The following GGTA1 variants were observed in gnomAD, a reference collection of about 807,000 sequenced individuals.
The protein encoded by GGTA1 is inactive N-acetyllactosaminide alpha-1,3-galactosyltransferase.
GGTA1 carries 5 observed loss-of-function variants against 2.6 expected under a neutral mutation model. The observed-to-expected ratio is 1.92, with a 90% CI of 1.00 to 4.04. The LOEUF is 4.04. Among genes scored for constraint, GGTA1 ranks in the 30% most tolerant of loss-of-function variants. The pLI is 0.00. For missense variants in GGTA1, 50 were observed against 16.7 expected (o/e 2.99, Z -3.47); for synonymous variants, 17 against 5.0 (o/e 3.38, Z -3.19).
At chr9:121,466,062 C>T (rs1320431973) in intron 2 of GGTA1, among the ~76,000 whole-genome samples, 5 of 152,062 alleles carry the variant, frequency 3.3e-5, no homozygotes, top group Non-Finnish European at 5.9e-5. Flanking sequence ...ACTACAGGTG[C>T]GCACCACCAT....
chr9:121,460,367 C>T (rs745576271), intron 4 of GGTA1, 148 bp from the exon 5 acceptor site: 8 of 368,888 alleles, frequency 2.2e-5, no homozygotes, highest in South Asian at 1.2e-4. Flanking sequence ...AGGCACTAAG[C>T]GTTTATTCAT....
intron 1 of GGTA1, among the ~76,000 whole-genome samples, chr9:121,469,063 C>CA (rs879744113): frequency 1.1e-4 from 17 of 151,642 alleles, no homozygotes; most frequent in African/African-American, 1.9e-4. Context: ...CACAGGCAAG[C>CA]AAAAAAAATG....
chr9:121,447,640 C>G (rs2064858247), intron 7 of GGTA1: 1 of 152,238 alleles, frequency 6.6e-6, no homozygotes, highest in East Asian at 1.9e-4. Flanking sequence ...CTCTGGGATT[C>G]CTGAAAGAAA....
chr9:121,488,120 C>T (rs1181604737), intron 1 of GGTA1, among the ~76,000 whole-genome samples: 1 of 72,672 alleles, frequency 1.4e-5, no homozygotes, highest in African/African-American at 4.8e-5. Flanking sequence ...TGCGTGTGTG[C>T]GTGCATGTGT....
At chr9:121,453,081 C>G (rs567841918), downstream of GGTA1, among the ~76,000 whole-genome samples, 8 of 152,288 alleles carry the variant, frequency 5.3e-5, no homozygotes, top group South Asian at 1.7e-3. Flanking sequence ...TTTCCATTTG[C>G]CTTTTGCTAG....
chr9:121,475,215 C>G (rs1828482728), intron 1 of GGTA1, among the ~76,000 whole-genome samples: 1 of 152,118 alleles, frequency 6.6e-6, no homozygotes, highest in South Asian at 2.1e-4. Flanking sequence ...ACCTCTGGTC[C>G]TCCTCACTGC....
intron 1 of GGTA1, among the ~76,000 whole-genome samples, chr9:121,492,766 G>A (rs1354697416): frequency 6.6e-6 from 1 of 151,538 alleles, no homozygotes; most frequent in Admixed American, 6.6e-5. Context: ...GAGCCACCGC[G>A]CCCGGTCGAG....
Position 121,455,114 on chromosome 9 carries a change from T to G in GGTA1, c.*723A>C. On this transcript the variant is annotated 3_prime_UTR_variant, in exon 6 of 6. Coordinates refer to ENST00000481799, the MANE Select transcript of GGTA1 (RefSeq NM_001382585.1). ...AGACTGAGAAATGATGAGCCTTTTT[T>G]GTTGTTGTTTTTAGTAGCTTACATG... 6.6e-6 allele frequency: 1 copy of G among 152,254 alleles called. No individual in the cohort carries two copies. The highest frequency in any genetic ancestry group is 1.9e-4 in the East Asian group (1 of 5,206). 9.4% of individuals were successfully genotyped at this position (152,254 alleles called of 1,614,324 possible).
In GGTA1 at chr9:121,474,548, C is replaced by A. The variant is rs147339494; in HGVS notation, c.-9-6617G>T. ...TTTCCATATGGCCTATAAGTGAATTCTTCCCTACCACCCACCTCCAATCCT... is the reference window on the plus strand; with the variant it reads ...TTTCCATATGGCCTATAAGTGAATTATTCCCTACCACCCACCTCCAATCCT... On this transcript the variant is annotated intron_variant, in intron 1 of 5. Transcript: ENST00000481799. Among the ~76,000 whole-genome samples the A allele has an allele frequency of 1.8e-3, 269 of 152,240 alleles. 3 individuals are homozygous for A. In the South Asian group the frequency reaches 0.037, roughly 21 times the overall value.
chr9:121,470,771 G>T (rs1359643298), intron 1 of GGTA1, among the ~76,000 whole-genome samples: 1 of 152,214 alleles, frequency 6.6e-6, no homozygotes, highest in Non-Finnish European at 1.5e-5. Context: ...CTTGTAAAAT[G>T]AATGAAGGCC....
intron 1 of GGTA1, among the ~76,000 whole-genome samples, chr9:121,484,140 C>T (rs10985271): frequency 0.045 from 6,796 of 152,240 alleles, 177 homozygotes; most frequent in East Asian, 0.11. Flanking sequence ...CCAGACCTCA[C>T]CACTATGCAG....
chr9:121,494,867 G>C (rs1259456087), intron 1 of GGTA1: 1 of 152,124 alleles, frequency 6.6e-6, no homozygotes, highest in Non-Finnish European at 1.5e-5. Context: ...CCTGGGTTGA[G>C]CATACTACGT....
chr9:121,478,298 T>A (rs1828558236), intron 1 of GGTA1, among the ~76,000 whole-genome samples: 1 of 152,222 alleles, frequency 6.6e-6, no homozygotes, highest in African/African-American at 2.4e-5. Flanking sequence ...ACCTTCTGTG[T>A]GCGTGTTGTG....
At chr9:121,483,964 G>A (rs1355298001) in intron 1 of GGTA1, among the ~76,000 whole-genome samples, 3 of 152,188 alleles carry the variant, frequency 2.0e-5, no homozygotes, top group Non-Finnish European at 4.4e-5. Context: ...GCAAATAAGA[G>A]AGCAATTTGG....
chr9:121,472,200 T>C (rs1018977498), intron 1 of GGTA1, among the ~76,000 whole-genome samples: 3 of 152,248 alleles, frequency 2.0e-5, no homozygotes, highest in Admixed American at 2.0e-4. Context: ...TGTATTTTAT[T>C]ATGTGGTGCT....
chr9:121,477,992 A>G (rs1418013931), intron 1 of GGTA1, among the ~76,000 whole-genome samples: 1 of 151,756 alleles, frequency 6.6e-6, no homozygotes, highest in Non-Finnish European at 1.5e-5. Flanking sequence ...ACCCCTTTTC[A>G]GGAGTCTCTT....
intron 2 of GGTA1, among the ~76,000 whole-genome samples, chr9:121,466,320 G>T (rs931091351): frequency 6.6e-6 from 1 of 152,152 alleles, no homozygotes; most frequent in African/African-American, 2.4e-5. Flanking sequence ...AGTGGGAAAC[G>T]TCCTCAGCCC....
intron 1 of GGTA1, among the ~76,000 whole-genome samples, chr9:121,475,194 C>T (rs946841535): frequency 1.1e-4 from 16 of 152,244 alleles, no homozygotes; most frequent in Admixed American, 3.3e-4. Context: ...ACCAAGATGG[C>T]GATGAGAGTG....
chr9:121,485,930 A>C (rs1828746151), intron 1 of GGTA1, among the ~76,000 whole-genome samples: 1 of 152,106 alleles, frequency 6.6e-6, no homozygotes, highest in Admixed American at 6.5e-5. Flanking sequence ...ATCTCAAAAC[A>C]ACAACACCAC....
Sources: gnomAD v4.1 joint callset for allele counts (sites outside exome capture counted in the v4.1 genomes callset) on GRCh38, gnomAD v4.1.1 for gene constraint, MANE v1.5 for transcripts, NCBI Gene and HGNC (gene_info 2026-07-23, HGNC 2026-07-21) for gene names.